The following NEDD4 variants were observed in gnomAD, a reference collection of about 807,000 sequenced individuals.
The protein encoded by NEDD4 is E3 ubiquitin-protein ligase NEDD4.
In NEDD4, 99 loss-of-function variants were observed where a neutral mutation model predicts 144.9. That is an observed-to-expected ratio of 0.68 (90% confidence interval 0.58 to 0.81). The LOEUF (loss-of-function observed/expected upper bound fraction) is 0.81, where lower values mean the gene tolerates loss of function less well. Among genes scored for constraint, NEDD4 ranks in the 30% least tolerant of loss-of-function variants. The probability of loss-of-function intolerance (pLI) is 0.00; values close to 1 mark genes in which losing one functional copy is unlikely to be tolerated. For synonymous variants in NEDD4, 318 were observed against 350.6 expected (o/e 0.91, Z 1.04); for missense variants, 985 against 1,065.9 (o/e 0.92, Z 1.06).
chr15:55,992,662 A>G (rs538498235), intron 1 of NEDD4, among the ~76,000 whole-genome samples: 9 of 152,214 alleles, frequency 5.9e-5, no homozygotes, highest in Non-Finnish European at 1.3e-4. Context: ...ATCTCCAAGA[A>G]CACACAGAAG....
At chr15:55,916,188 C>T in intron 5 of NEDD4, 3 of 1,613,972 alleles carry the variant, frequency 1.9e-6, no homozygotes, top group Non-Finnish European at 2.5e-6. Flanking sequence ...GTTTGGCACA[C>T]TTCTATTGGA....
chr15:55,957,249 A>T (rs1167902226), intron 2 of NEDD4, among the ~76,000 whole-genome samples: 2 of 152,164 alleles, frequency 1.3e-5, no homozygotes, highest in African/African-American at 4.8e-5. Context: ...GCAAATAAAG[A>T]CAGTTTTACT....
intron 5 of NEDD4, among the ~76,000 whole-genome samples, chr15:55,879,615 T>C (rs1357984306): frequency 2.0e-5 from 3 of 152,036 alleles, no homozygotes; most frequent in African/African-American, 7.3e-5. Flanking sequence ...GTCTGATGAA[T>C]AAGAATCAAG....
intron 18 of NEDD4, among the ~76,000 whole-genome samples, chr15:55,843,530 C>A (rs2033610596): frequency 6.6e-6 from 1 of 152,052 alleles, no homozygotes; most frequent in Non-Finnish European, 1.5e-5. Flanking sequence ...TATTTTATTC[C>A]TCAGTACTTC....
chr15:55,858,843 G>A (rs778651817), intron 11 of NEDD4, among the ~76,000 whole-genome samples: 17 of 152,198 alleles, frequency 1.1e-4, no homozygotes, highest in Non-Finnish European at 2.4e-4. Flanking sequence ...CTGGCTGTGG[G>A]CCATATGGTT....
At chr15:55,957,985 G>T (rs1451185221) in intron 2 of NEDD4, among the ~76,000 whole-genome samples, 3 of 152,188 alleles carry the variant, frequency 2.0e-5, no homozygotes, top group Non-Finnish European at 4.4e-5. Flanking sequence ...GGGGGAAGGG[G>T]TGAGGGATAG....
intron 4 of NEDD4, among the ~76,000 whole-genome samples, chr15:55,940,049 C>T (rs757020583): frequency 8.5e-5 from 13 of 152,122 alleles, no homozygotes; most frequent in South Asian, 2.1e-4. Flanking sequence ...GAAACCCTGC[C>T]ATTTCCAACA....
chr15:55,920,849 T>G (rs1002673361), intron 5 of NEDD4, among the ~76,000 whole-genome samples: 6 of 151,016 alleles, frequency 4.0e-5, no homozygotes, highest in Non-Finnish European at 8.8e-5. Context: ...TATACCTCCC[T>G]TACCTGCTAA....
chr15:55,922,452 TC>T (rs1313450797), intron 5 of NEDD4, among the ~76,000 whole-genome samples: 3 of 152,144 alleles, frequency 2.0e-5, no homozygotes, highest in African/African-American at 7.2e-5. Flanking sequence ...AACCTCCACC[TC>T]CTGGGTTCGG....
At chr15:55,871,660 C>T (rs11071232) in intron 7 of NEDD4, among the ~76,000 whole-genome samples, 134,471 of 152,180 alleles carry the variant, frequency 0.88, 59,535 homozygotes, top group East Asian at 0.96. Flanking sequence ...TTAATATTTA[C>T]ATTACAAACA....
intron 5 of NEDD4, among the ~76,000 whole-genome samples, chr15:55,908,043 G>A (rs1566945051): frequency 6.6e-6 from 1 of 152,116 alleles, no homozygotes; most frequent in African/African-American, 2.4e-5. Flanking sequence ...GAAGCATCAC[G>A]TAGCTCCCAC....
chr15:55,905,368 T>C (rs1247745186), intron 5 of NEDD4: 1 of 434,002 alleles, frequency 2.3e-6, no homozygotes. Context: ...AATTGGGGGG[T>C]TTCCCAACAG....
At chr15:55,899,765 C>T (rs1300273539) in intron 5 of NEDD4, among the ~76,000 whole-genome samples, 2 of 152,164 alleles carry the variant, frequency 1.3e-5, no homozygotes, top group Non-Finnish European at 2.9e-5. Flanking sequence ...ATGTTCTGTA[C>T]TACTGCTGTC....
At chr15:55,959,376 T>C (rs1326295999) in intron 2 of NEDD4, among the ~76,000 whole-genome samples, 8 of 152,236 alleles carry the variant, frequency 5.3e-5, no homozygotes, top group African/African-American at 1.9e-4. Flanking sequence ...CTATATGATT[T>C]CAATCTTTTG....
chr15:55,869,542 A>AT (rs1566922136), intron 8 of NEDD4, 37 bp downstream of exon 8: 1 of 1,290,318 alleles, frequency 7.8e-7, no homozygotes, highest in African/African-American at 1.5e-5. Flanking sequence ...AGAAATTAAA[A>AT]TTTTTTTAGT....
chr15:55,863,055 G>T lies in NEDD4; in HGVS notation c.532C>A (p.Pro178Thr). Reference sequence around the variant, plus strand: ...TGCTGCAAATGGCAAGCAGCATCTGGTTGGTCCAAAACAACCCAGCCAGGC... The same window carrying T: ...TGCTGCAAATGGCAAGCAGCATCTGTTTGGTCCAAAACAACCCAGCCAGGC... ...LEPGWVVLDQ[P>T]DAACHLQQQQ... Residue 178 changes from proline (P) to threonine (T), a missense_variant, in exon 9 of 29, where the codon CCA becomes ACA. Coordinates refer to ENST00000435532, the MANE Select transcript of NEDD4 (RefSeq NM_006154.4). The T allele has an allele frequency of 2.5e-6, 4 of 1,601,520 alleles. No individual in the cohort carries two copies. The highest frequency in any genetic ancestry group is 3.4e-6 in the Non-Finnish European group (4 of 1,171,756).
chr15:55,928,866 T>C (rs1417763890), intron 4 of NEDD4, among the ~76,000 whole-genome samples: 1 of 152,210 alleles, frequency 6.6e-6, no homozygotes, highest in African/African-American at 2.4e-5. Context: ...CAGAAGCATA[T>C]AATAAATGCA....
chr15:55,947,653 C>G (rs1264441865), intron 4 of NEDD4, among the ~76,000 whole-genome samples: 2 of 152,148 alleles, frequency 1.3e-5, no homozygotes, highest in East Asian at 3.9e-4. Context: ...TCAACATACG[C>G]AATCAATAAA....
intron 2 of NEDD4, among the ~76,000 whole-genome samples, chr15:55,964,356 G>A (rs889695919): frequency 4.0e-5 from 6 of 151,770 alleles, no homozygotes; most frequent in African/African-American, 9.7e-5. Context: ...TTCCAACTGC[G>A]TAACAATTTC....
Sources: gnomAD v4.1 joint callset for allele counts (sites outside exome capture counted in the v4.1 genomes callset) on GRCh38, gnomAD v4.1.1 for gene constraint, MANE v1.5 for transcripts, NCBI Gene and HGNC (gene_info 2026-07-23, HGNC 2026-07-21) for gene names.